Variants in NREP observed in about 807,000 individuals in gnomAD.
NREP encodes neuronal regeneration-related protein.
Under a neutral mutation model 8.6 loss-of-function variants are expected in NREP, and 5 were observed. The ratio of observed to expected loss-of-function variants is 0.58; its 90% CI spans 0.30 to 1.22. NREP has a LOEUF of 1.22. Ranked by LOEUF, NREP falls within the 50% of genes most tolerant of loss-of-function variation. The probability of loss-of-function intolerance (pLI) is 0.07; values close to 1 mark genes in which losing one functional copy is unlikely to be tolerated. For missense variants in NREP, 86 were observed against 82.5 expected (o/e 1.04, Z -0.17); for synonymous variants, 27 against 28.0 (o/e 0.96, Z 0.11).
intron 2 of NREP, among the ~76,000 whole-genome samples, chr5:111,803,858 C>A (rs1439429884): frequency 6.6e-6 from 1 of 152,140 alleles, no homozygotes; most frequent in Admixed American, 6.5e-5. Flanking sequence ...ATGTACAAGT[C>A]CTCCTCAGTG....
At chr5:111,784,822 A>G (rs1751571641) in intron 2 of NREP, among the ~76,000 whole-genome samples, 3 of 152,226 alleles carry the variant, frequency 2.0e-5, no homozygotes, top group Admixed American at 2.0e-4. Flanking sequence ...TTAAAAAGTT[A>G]TACTTTTCAA....
At chr5:111,815,574 A>C (rs929856509) in intron 2 of NREP, among the ~76,000 whole-genome samples, 1 of 152,124 alleles carries the variant, frequency 6.6e-6, no homozygotes, top group Non-Finnish European at 1.5e-5. Flanking sequence ...TCTATAAAAA[A>C]TCAACTGAAA....
At chr5:111,775,980 T>C (rs547236239) in intron 2 of NREP, among the ~76,000 whole-genome samples, 1 of 152,222 alleles carries the variant, frequency 6.6e-6, no homozygotes, top group South Asian at 2.1e-4. Flanking sequence ...GACTTTCAAA[T>C]TAAAACTATA....
intron 2 of NREP, among the ~76,000 whole-genome samples, chr5:111,821,465 G>A (rs1460900375): frequency 6.6e-6 from 1 of 151,946 alleles, no homozygotes; most frequent in African/African-American, 2.4e-5. Flanking sequence ...TAGATATAAT[G>A]GAATCCTAGT....
chr5:111,874,069 G>C (rs959041799), intron 2 of NREP, among the ~76,000 whole-genome samples: 5 of 152,156 alleles, frequency 3.3e-5, no homozygotes, highest in Non-Finnish European at 7.4e-5. Flanking sequence ...GGAAGTTGTT[G>C]ATAGGGAGAT....
At chr5:111,763,250 T>G (rs1751006178) in intron 2 of NREP, among the ~76,000 whole-genome samples, 1 of 152,192 alleles carries the variant, frequency 6.6e-6, no homozygotes, top group Non-Finnish European at 1.5e-5. Context: ...ACTCAGCCAT[T>G]GACACTGGGG....
At chr5:111,970,654 C>A (rs1043784099) in intron 2 of NREP, among the ~76,000 whole-genome samples, 1 of 151,800 alleles carries the variant, frequency 6.6e-6, no homozygotes, top group Non-Finnish European at 1.5e-5. Context: ...GGTGAAACCC[C>A]GCCTCCACTA....
chr5:111,918,368 T>C (rs367671061), intron 2 of NREP, among the ~76,000 whole-genome samples: 22 of 152,312 alleles, frequency 1.4e-4, no homozygotes, highest in South Asian at 1.0e-3. Context: ...TTAAATTTTA[T>C]ATGAAACCAG....
At chr5:111,755,107 TTC>T (rs1486568474) in intron 2 of NREP, among the ~76,000 whole-genome samples, 4 of 152,218 alleles carry the variant, frequency 2.6e-5, no homozygotes, top group Non-Finnish European at 5.9e-5. Flanking sequence ...TGTGTATTCC[TTC>T]TGTTTCCTTA....
chr5:111,858,267 T>G (rs1753468882), intron 2 of NREP, among the ~76,000 whole-genome samples: 1 of 152,022 alleles, frequency 6.6e-6, no homozygotes, highest in Admixed American at 6.6e-5. Context: ...AGGTCTGGGG[T>G]GCATGTTTCT....
intron 2 of NREP, among the ~76,000 whole-genome samples, chr5:111,770,702 C>G (rs894357420): frequency 6.6e-6 from 1 of 151,492 alleles, no homozygotes; most frequent in Non-Finnish European, 1.5e-5. Context: ...TCCGAGTACC[C>G]TGGACTACAC....
chr5:111,864,660 C>G (rs959957754), intron 2 of NREP, among the ~76,000 whole-genome samples: 1 of 151,756 alleles, frequency 6.6e-6, no homozygotes, highest in African/African-American at 2.4e-5. Context: ...CTGAAAGGAA[C>G]AAAGAAATGA....
intron 2 of NREP, among the ~76,000 whole-genome samples, chr5:111,917,719 A>G (rs946599532): frequency 2.0e-5 from 3 of 152,194 alleles, no homozygotes; most frequent in Non-Finnish European, 4.4e-5. Context: ...CAAAATAATA[A>G]GAGCTATTTA....
At chr5:111,858,827 G>T (rs1282183656) in intron 2 of NREP, among the ~76,000 whole-genome samples, 2 of 152,076 alleles carry the variant, frequency 1.3e-5, no homozygotes, top group Non-Finnish European at 2.9e-5. Context: ...ATGCTAAAAT[G>T]CTCCAAACAA....
At chr5:111,812,986 C>T (rs759841432) in intron 2 of NREP, among the ~76,000 whole-genome samples, 14 of 152,158 alleles carry the variant, frequency 9.2e-5, no homozygotes, top group South Asian at 2.1e-4. Context: ...TTTTAACCTA[C>T]ACCAGCATAA....
intron 2 of NREP, among the ~76,000 whole-genome samples, chr5:111,910,596 T>TA (rs1484760147): frequency 6.6e-6 from 1 of 151,984 alleles, no homozygotes; most frequent in Non-Finnish European, 1.5e-5. Flanking sequence ...GTGCTAAGGA[T>TA]AAAAAATGCT....
At chr5:111,933,780 G>GA (rs1441510881) in intron 2 of NREP, among the ~76,000 whole-genome samples, 1 of 151,974 alleles carries the variant, frequency 6.6e-6, no homozygotes, top group Non-Finnish European at 1.5e-5. Flanking sequence ...TGCTCTACTT[G>GA]AAAGAAAGTC....
At chr5:111,904,316 G>A (rs1343691368) in intron 2 of NREP, among the ~76,000 whole-genome samples, 1 of 152,102 alleles carries the variant, frequency 6.6e-6, no homozygotes, top group Non-Finnish European at 1.5e-5. Flanking sequence ...TAGTATCATA[G>A]CTGTATGATA....
At chr5:111,798,758 TGTGTGTGTGTGTGTGTGTA>T (rs1751931853) in intron 2 of NREP, among the ~76,000 whole-genome samples, 1 of 82,166 alleles carries the variant, frequency 1.2e-5, no homozygotes, top group African/African-American at 4.8e-5. Flanking sequence ...TGTGTGTGTG[TGTGTGTGTGTGTGTGTGTA>T]TGTGTGTGTG....
Sources: gnomAD v4.1 joint callset for allele counts (sites outside exome capture counted in the v4.1 genomes callset) on GRCh38, gnomAD v4.1.1 for gene constraint, MANE v1.5 for transcripts, NCBI Gene and HGNC (gene_info 2026-07-23, HGNC 2026-07-21) for gene names.